The following MS4A5 variants were observed in gnomAD, a reference collection of about 807,000 sequenced individuals.
MS4A5 encodes membrane-spanning 4-domains subfamily A member 5.
Under a neutral mutation model 18.2 loss-of-function variants are expected in MS4A5, and 15 were observed. That is an observed-to-expected ratio of 0.83 (90% CI 0.55 to 1.27). The LOEUF is 1.27. Ranked by LOEUF, MS4A5 falls within the 50% of genes most tolerant of loss-of-function variation. The probability of loss-of-function intolerance (pLI) is 0.00; values close to 1 mark genes in which losing one functional copy is unlikely to be tolerated. For missense variants in MS4A5, 232 were observed against 225.7 expected (o/e 1.03, Z -0.18); for synonymous variants, 89 against 78.7 (o/e 1.13, Z -0.69).
intron 4 of MS4A5, among the ~76,000 whole-genome samples, chr11:60,440,459 C>T (rs1369131713): frequency 1.6e-5 from 2 of 122,144 alleles, no homozygotes; most frequent in Non-Finnish European, 3.7e-5. Flanking sequence ...TTCTGCACAG[C>T]AAAAGAAATC....
At chr11:60,442,460 G>C (rs1172920094) in intron 4 of MS4A5, among the ~76,000 whole-genome samples, 1 of 152,128 alleles carries the variant, frequency 6.6e-6, no homozygotes, top group Non-Finnish European at 1.5e-5. Flanking sequence ...TGGACACAGG[G>C]AAGGGAATAT....
chr11:60,433,720 C>T, intron 3 of MS4A5, 45 bp from the exon 4 acceptor site: 1 of 1,586,378 alleles, frequency 6.3e-7, no homozygotes, highest in Non-Finnish European at 8.6e-7. Flanking sequence ...GTTTGTAGTA[C>T]AGGCTGGACC....
chr11:60,434,886 T>G (rs1040663383), intron 4 of MS4A5, among the ~76,000 whole-genome samples: 2 of 152,182 alleles, frequency 1.3e-5, no homozygotes, highest in Admixed American at 6.5e-5. Flanking sequence ...GTATAAAGAC[T>G]TAAGAGAGAT....
intron 4 of MS4A5, among the ~76,000 whole-genome samples, chr11:60,445,265 CT>C (rs201028859): frequency 0.057 from 8,264 of 145,196 alleles, 286 homozygotes; most frequent in South Asian, 0.16. Context: ...GACATTTCTT[CT>C]TTTTTTTTTT....
intron 4 of MS4A5, among the ~76,000 whole-genome samples, chr11:60,438,704 C>T (rs1348832888): frequency 2.0e-5 from 3 of 151,854 alleles, no homozygotes; most frequent in Admixed American, 1.3e-4. Context: ...GACACATACA[C>T]TGTCCCAAGA....
chr11:60,441,676 A>T, intron 4 of MS4A5, among the ~76,000 whole-genome samples: 1 of 151,540 alleles, frequency 6.6e-6, no homozygotes, highest in East Asian at 1.9e-4. Context: ...AGGGAATATA[A>T]AATAAAAGAA....
intron 4 of MS4A5, among the ~76,000 whole-genome samples, chr11:60,446,749 A>G (rs2086140359): frequency 6.6e-6 from 1 of 150,852 alleles, no homozygotes; most frequent in South Asian, 2.1e-4. Context: ...AAAAAAAAAG[A>G]CAAAAAAGAA....
At chr11:60,435,704 G>A (rs4534600) in intron 4 of MS4A5, among the ~76,000 whole-genome samples, 1,629 of 152,262 alleles carry the variant, frequency 0.011, 72 homozygotes, top group Admixed American at 0.08. Flanking sequence ...ACTCCCACCC[G>A]AATACTGCGC....
chr11:60,446,623 C>T lies in MS4A5; in HGVS notation c.493-1026C>T, dbSNP rs545711895. 2.0e-5 allele frequency among the ~76,000 whole-genome samples: 3 copies of T among 152,130 alleles called. No homozygotes were observed. The East Asian group carries it at 5.8e-4, about 29-fold the overall frequency. The stretch of plus-strand genomic sequence containing the variant: ...TGGTGGGCACCTGTAATCCCAGCTA[C>T]TCGGGAGGCTGAGGCAGGAGAATCG... On this transcript the variant is annotated intron_variant, in intron 4 of 4. Transcript: ENST00000300190.
Position 60,433,824 on chromosome 11 carries a change from TCTC to T in MS4A5, c.403_405del (p.Leu135del), listed in dbSNP as rs752959483. The T allele has an allele frequency of 6.8e-6, 11 of 1,613,944 alleles. No individual in the cohort carries two copies. In the South Asian group the frequency reaches 1.2e-4, roughly 18 times the overall value. ...CCCTGGGAGCAATAGCTGGAATCATTCTCCTCACATTTGGTTTCATCCTAGATC... is the reference window on the plus strand; with the variant it reads ...CCCTGGGAGCAATAGCTGGAATCATTCTCACATTTGGTTTCATCCTAGATC... On this transcript the variant is annotated inframe_deletion, in exon 4 of 5. Coordinates refer to ENST00000300190, the MANE Select transcript of MS4A5 (RefSeq NM_023945.3).
At chr11:60,445,714 T>C (rs2086135116) in intron 4 of MS4A5, among the ~76,000 whole-genome samples, 1 of 152,160 alleles carries the variant, frequency 6.6e-6, no homozygotes, top group Non-Finnish European at 1.5e-5. Context: ...AGATAAAGAA[T>C]ATGAGGAAAG....
intron 3 of MS4A5, among the ~76,000 whole-genome samples, chr11:60,433,045 C>T (rs938031167): frequency 3.5e-4 from 53 of 152,134 alleles, no homozygotes; most frequent in Non-Finnish European, 1.6e-4. Flanking sequence ...GGCTTACAAT[C>T]GTTAAATAGC....
intron 4 of MS4A5, 27 bp from the exon 5 acceptor site, chr11:60,447,621 AT>A (rs757340172): frequency 2.0e-4 from 257 of 1,280,740 alleles, no homozygotes; most frequent in African/African-American, 9.4e-4. Flanking sequence ...ATGACTCTTC[AT>A]TTTTTTTTCT....
In MS4A5 at chr11:60,429,786, C is replaced by A. The variant is rs893318371; in HGVS notation, c.112C>A (p.Pro38Thr). 2 of 1,613,810 alleles carry A rather than the reference C, an allele frequency of 1.2e-6. No homozygotes were observed. The highest frequency in any genetic ancestry group is 2.7e-5 in the African/African-American group (2 of 74,902). ...LSATTFSTQS[P>T]LQKLFARKMK... is the part of the protein sequence containing the mutation. ...AGCCACGACCTTTTCAACTCAAAGCCCCTTGCAAAAATTATTTGCTAGAAA... is the reference window on the plus strand; with the variant it reads ...AGCCACGACCTTTTCAACTCAAAGCACCTTGCAAAAATTATTTGCTAGAAA... The change falls in exon 1 of 5, where the codon CCC (proline) becomes ACC (threonine). Residue 38 changes from proline (P) to threonine (T), a missense_variant. Transcript: ENST00000300190.
chr11:60,433,872 T>G lies in MS4A5; in HGVS notation c.447T>G (p.Tyr149Ter). 6.2e-7 allele frequency: 1 copy of G among 1,614,186 alleles called. No homozygotes were observed. Among genetic ancestry groups the G allele is most frequent in the Non-Finnish European group, 8.5e-7 (1 of 1,179,992 alleles). ...FILDQNYICG[Y>*]SHQNSQCKAV... Reference sequence around the variant, plus strand: ...TAGATCAAAACTACATTTGTGGTTATTCTCACCAAAATAGTCAGTGTAAGG... The same window carrying G: ...TAGATCAAAACTACATTTGTGGTTAGTCTCACCAAAATAGTCAGTGTAAGG... The change falls in exon 4 of 5, where the codon TAT becomes TAG. Residue 149 changes from tyrosine to a stop codon, truncating the protein, a stop_gained. Coordinates refer to ENST00000300190, the MANE Select transcript of MS4A5 (RefSeq NM_023945.3). LOFTEE classifies it low-confidence loss of function (END_TRUNC).
rs749985428 is a variant in MS4A5 at position 60,443,973 on chromosome 11, T to C, written c.493-3676T>C. Among the ~76,000 whole-genome samples the C allele has an allele frequency of 1.4e-4, 21 of 152,014 alleles. 1 individual carries two copies. The highest frequency in any genetic ancestry group is 2.5e-4 in the Non-Finnish European group (17 of 67,988). On this transcript the variant is annotated intron_variant, in intron 4 of 4. Transcript: ENST00000300190. ...GGCTTATATCTAATAAAAAATCAAA[T>C]ACATAATTTAAAACTTTCTCTCAAA...
chr11:60,435,767 G>T (rs982876335), intron 4 of MS4A5, among the ~76,000 whole-genome samples: 6 of 152,092 alleles, frequency 3.9e-5, no homozygotes, highest in Admixed American at 6.6e-5. Context: ...CCCGCACCTG[G>T]CTCGGAGGGT....
At position 60,429,701 on chromosome 11, in the gene MS4A5, G is replaced by C. The variant is rs768189050; in HGVS notation, c.27G>C (p.Pro9=). ...TGGATTCAAGCACCGCACACAGTCC[G>C]GTGTTTCTGGTATTTCCTCCAGAAA... is the stretch of plus-strand genomic sequence containing the variant. MDSSTAHS[P]VFLVFPPEIT... is the part of the protein sequence containing the mutation. Residue 9 remains proline (P), a synonymous_variant, in exon 1 of 5, where the codon CCG becomes CCC. Coordinates refer to ENST00000300190, the MANE Select transcript of MS4A5 (RefSeq NM_023945.3). 1.2e-6 allele frequency: 2 copies of C among 1,613,194 alleles called. No homozygotes were observed. Among genetic ancestry groups the C allele is most frequent in the Non-Finnish European group, 1.7e-6 (2 of 1,179,790 alleles).
intron 4 of MS4A5, among the ~76,000 whole-genome samples, chr11:60,441,984 G>T (rs2086115746): frequency 6.6e-6 from 1 of 152,134 alleles, no homozygotes; most frequent in Non-Finnish European, 1.5e-5. Flanking sequence ...AAAAGGAAAA[G>T]CTAACTCAGC....
Sources: gnomAD v4.1 joint callset for allele counts (sites outside exome capture counted in the v4.1 genomes callset) on GRCh38, gnomAD v4.1.1 for gene constraint, MANE v1.5 for transcripts, NCBI Gene and HGNC (gene_info 2026-07-23, HGNC 2026-07-21) for gene names.